The following GLB1 variants were observed in gnomAD, a reference collection of about 807,000 sequenced individuals.
GLB1 encodes the protein beta-galactosidase.
A neutral mutation model predicts 74.0 loss-of-function variants in GLB1; 56 were observed. That is an observed-to-expected ratio of 0.76 (90% CI 0.61 to 0.94). The LOEUF (loss-of-function observed/expected upper bound fraction) is 0.94. GLB1 is among the 40% of genes least tolerant of loss of function. GLB1 has a pLI of 0.00. For missense variants in GLB1, 787 were observed against 845.5 expected, an observed-to-expected ratio of 0.93 and a Z score of 0.86; for synonymous variants, 323 against 323.6, an observed-to-expected ratio of 1.00 and a Z score of 0.02.
At chr3:32,989,471 G>C in the GLB1 span, among the ~76,000 whole-genome samples, 1 of 152,208 alleles carries the variant, frequency 6.6e-6, no homozygotes, top group Non-Finnish European at 1.5e-5. Context: ...TTGTCTGAGA[G>C]GGATGCCCAG....
intron 5 of GLB1, among the ~76,000 whole-genome samples, chr3:33,064,515 G>A (rs1321779061): frequency 2.7e-5 from 4 of 148,046 alleles, no homozygotes; most frequent in East Asian, 2.0e-4. Context: ...GGTGGCTCAC[G>A]CCTGTAATCC....
At chr3:33,051,725 C>T in intron 9 of GLB1, 33 bp downstream of exon 9, 1 of 1,613,918 alleles carries the variant, frequency 6.2e-7, no homozygotes, top group South Asian at 1.1e-5. Flanking sequence ...AACATTCTAG[C>T]ATAAGTTTCT....
At chr3:33,045,359 A>G (rs1047838429) in intron 10 of GLB1, 73 of 984,432 alleles carry the variant, frequency 7.4e-5, no homozygotes, top group Non-Finnish European at 8.6e-5. Context: ...CTGTGAGGTA[A>G]GTACGGCTAC....
chr3:32,971,787 C>G, the GLB1 span, among the ~76,000 whole-genome samples: 1 of 152,176 alleles, frequency 6.6e-6, no homozygotes, highest in Non-Finnish European at 1.5e-5. Context: ...TCTCTTGATT[C>G]TCTACTCTAA....
chr3:33,046,373 C>T, intron 9 of GLB1, 141 bp from the exon 10 acceptor site: 1 of 952,604 alleles, frequency 1.0e-6, no homozygotes, highest in Non-Finnish European at 1.6e-6. Flanking sequence ...ACAGACGTGA[C>T]CCTCAGGATG....
chr3:32,972,164 T>C, the GLB1 span, among the ~76,000 whole-genome samples: 6 of 152,128 alleles, frequency 3.9e-5, no homozygotes, highest in African/African-American at 1.2e-4. Context: ...CCCATCTATA[T>C]GCTCAACCAC....
chr3:33,023,762 T>G (rs904041495), intron 11 of GLB1, among the ~76,000 whole-genome samples: 1 of 152,188 alleles, frequency 6.6e-6, no homozygotes, highest in African/African-American at 2.4e-5. Flanking sequence ...TTTCCCCCAG[T>G]GTCCCCATTT....
At chr3:33,027,887 G>A (rs1171668734) in intron 10 of GLB1, among the ~76,000 whole-genome samples, 1 of 152,126 alleles carries the variant, frequency 6.6e-6, no homozygotes, top group Non-Finnish European at 1.5e-5. Flanking sequence ...TCTTTCAGAG[G>A]AAGCCATTTA....
At chr3:33,065,601 C>A (rs1238627257) in intron 4 of GLB1, 44 bp from the exon 5 acceptor site, 3 of 1,550,422 alleles carry the variant, frequency 1.9e-6, no homozygotes, top group South Asian at 1.2e-5. Context: ...CCAACCCCAG[C>A]CTGTAAGCCA....
At chr3:32,968,087 A>G in the GLB1 span, among the ~76,000 whole-genome samples, 1 of 152,194 alleles carries the variant, frequency 6.6e-6, no homozygotes, top group Non-Finnish European at 1.5e-5. Flanking sequence ...CAAGATGTAC[A>G]TTAACCGAGA....
intron 10 of GLB1, chr3:33,030,888 G>A (rs1697975483): frequency 1.1e-6 from 1 of 898,954 alleles, no homozygotes. Flanking sequence ...ACTCACCACT[G>A]CCCCTCTCAG....
chr3:33,057,333 T>G (rs1699262171), intron 6 of GLB1, among the ~76,000 whole-genome samples: 1 of 152,218 alleles, frequency 6.6e-6, no homozygotes, highest in African/African-American at 2.4e-5. Flanking sequence ...CCTCTTTTCT[T>G]TGTAAATTAC....
Position 32,997,098 on chromosome 3 carries a change from G to A in GLB1, c.1981C>T (p.Leu661Phe), listed in dbSNP as rs769449586. The A allele has an allele frequency of 1.2e-5, 19 of 1,614,024 alleles. 1 individual carries two copies. In the South Asian group the frequency reaches 2.0e-4, roughly 17 times the overall value. The change falls in exon 16 of 16, where the codon CTC becomes TTC. Residue 661 changes from leucine (L) to phenylalanine (F), a missense_variant. Physicochemically the swap from Leu to Phe is conservative, Grantham distance 22. Transcript: ENST00000307363. ...TTTTTTTGCGGGGGTGGGGGCATGA[G>A]TCTTTTTTCAACAGGTTTGGAGGGA... The part of the protein sequence containing the change: ...DHPSKPVEKR[L>F]MPPPPQKNKD...
At chr3:33,031,656 T>A (rs1375245130) in intron 10 of GLB1, among the ~76,000 whole-genome samples, 51 of 116,992 alleles carry the variant, frequency 4.4e-4, no homozygotes, top group African/African-American at 8.7e-4. Flanking sequence ...TATATATATA[T>A]ATATATATAT....
At chr3:33,039,528 G>C (rs768367006) in intron 10 of GLB1, among the ~76,000 whole-genome samples, 3 of 152,136 alleles carry the variant, frequency 2.0e-5, no homozygotes, top group Non-Finnish European at 4.4e-5. Context: ...CAGTTGAAAA[G>C]AGGATTAATA....
chr3:33,025,504 T>A (rs2125481209), intron 10 of GLB1, among the ~76,000 whole-genome samples: 1 of 152,290 alleles, frequency 6.6e-6, no homozygotes, highest in Middle Eastern at 3.4e-3. Flanking sequence ...TATTTCTTTC[T>A]TTCCTTCTTT....
the GLB1 span, among the ~76,000 whole-genome samples, chr3:32,973,490 T>C: frequency 6.6e-6 from 1 of 152,132 alleles, no homozygotes; most frequent in Non-Finnish European, 1.5e-5. Context: ...CATGCTTGCA[T>C]GCTACCACAT....
chr3:33,090,909 A>T (rs1700730158), intron 1 of GLB1: 2 of 985,320 alleles, frequency 2.0e-6, no homozygotes, highest in South Asian at 4.7e-5. Context: ...GAAAGAAAAG[A>T]GGTAAGGATG....
chr3:32,968,752 C>G, the GLB1 span, among the ~76,000 whole-genome samples: 1 of 152,202 alleles, frequency 6.6e-6, no homozygotes, highest in Non-Finnish European at 1.5e-5. Flanking sequence ...CAGGCCCCAG[C>G]TTTAGGACCG....
Sources: allele counts gnomAD v4.1 joint callset (sites outside exome capture counted in the v4.1 genomes callset), GRCh38; gene constraint gnomAD v4.1.1; transcripts MANE v1.5; gene names NCBI Gene and HGNC (gene_info 2026-07-23, HGNC 2026-07-21).